Variants in ASTN1 observed in about 807,000 individuals in gnomAD.
The protein encoded by ASTN1 is astrotactin 1.
In ASTN1, 41 loss-of-function variants were observed where a neutral mutation model predicts 140.7. That is an observed-to-expected ratio of 0.29 (90% CI 0.23 to 0.38). The LOEUF (loss-of-function observed/expected upper bound fraction) is 0.38. Ranked by LOEUF, ASTN1 falls within the 10% of genes least tolerant of loss-of-function variation. The pLI is 1.00. For missense variants in ASTN1, 1,479 were observed against 1,678.8 expected (o/e 0.88, Z 2.08); for synonymous variants, 640 against 652.2 (o/e 0.98, Z 0.29).
intron 1 of ASTN1, among the ~76,000 whole-genome samples, chr1:177,096,686 C>T (rs1244294556): frequency 6.6e-6 from 1 of 152,138 alleles, no homozygotes; most frequent in Non-Finnish European, 1.5e-5. Context: ...GGCAGTTCCC[C>T]TGCCACATGC....
At chr1:177,011,217 A>T (rs1675274416) in intron 8 of ASTN1, among the ~76,000 whole-genome samples, 1 of 152,190 alleles carries the variant, frequency 6.6e-6, no homozygotes, top group Non-Finnish European at 1.5e-5. Flanking sequence ...GTTATCTGGC[A>T]AGTAGAACAG....
At position 177,151,846 on chromosome 1, in the gene ASTN1, A is replaced by G. The variant is rs528054024; in HGVS notation, c.283+12548T>C. ...CATATGTGGCCATGAAGCTAAGAAC[A>G]TGTGGTGTAGAAGCAGCAGTGGAGA... On this transcript the variant is annotated intron_variant, in intron 1 of 22. Coordinates refer to ENST00000361833, the MANE Select transcript of ASTN1 (RefSeq NM_004319.3). Among the ~76,000 whole-genome samples the G allele has an allele frequency of 3.8e-4, 58 of 152,280 alleles. 1 individual carries two copies. Among genetic ancestry groups the G allele is most frequent in the African/African-American group, 1.1e-3 (44 of 41,552 alleles).
intron 1 of ASTN1, among the ~76,000 whole-genome samples, chr1:177,096,480 C>T (rs1377042962): frequency 6.6e-6 from 1 of 152,098 alleles, no homozygotes; most frequent in Non-Finnish European, 1.5e-5. Flanking sequence ...GGGTGGAGAA[C>T]TCAAGAATGG....
downstream of ASTN1, among the ~76,000 whole-genome samples, chr1:176,860,914 A>C (rs1323952325): frequency 6.6e-6 from 1 of 152,178 alleles, no homozygotes; most frequent in Non-Finnish European, 1.5e-5. Context: ...TTGCTATGAA[A>C]TATTTGATTC....
chr1:177,090,937 T>TG (rs1358660383), intron 1 of ASTN1, among the ~76,000 whole-genome samples: 1 of 64,548 alleles, frequency 1.5e-5, no homozygotes, highest in Non-Finnish European at 3.3e-5. Flanking sequence ...TCTAGATGGG[T>TG]GGGGGGCTGG....
intron 2 of ASTN1, among the ~76,000 whole-genome samples, chr1:177,043,260 A>C (rs1677061433): frequency 6.6e-6 from 1 of 152,220 alleles, no homozygotes; most frequent in South Asian, 2.1e-4. Context: ...AAGAAGAACA[A>C]TAAACATTTT....
chr1:176,976,968 G>A (rs536754551), intron 8 of ASTN1: 7 of 152,406 alleles, frequency 4.6e-5, no homozygotes, highest in Admixed American at 2.6e-4. Flanking sequence ...ACTAAGTACG[G>A]TGCAAACCTG....
chr1:177,135,116 A>G (rs1461981748), intron 1 of ASTN1, among the ~76,000 whole-genome samples: 1 of 152,014 alleles, frequency 6.6e-6, no homozygotes, highest in Admixed American at 6.6e-5. Flanking sequence ...CTGCCATGGG[A>G]CGTTGCTTTT....
rs1447388365 is a variant in ASTN1 at position 176,940,222 on chromosome 1, C to A, written c.2377+3669G>T. On this transcript the variant is annotated intron_variant, in intron 14 of 22. Transcript: ENST00000361833. Reference sequence around the variant, plus strand: ...TAGAACTCTGACTCACAATCCGCAGCAACCAGCTCAGAAAACCAACCCATT... The same window carrying A: ...TAGAACTCTGACTCACAATCCGCAGAAACCAGCTCAGAAAACCAACCCATT... Among the ~76,000 whole-genome samples, 5 of 152,180 alleles carry A rather than the reference C, an allele frequency of 3.3e-5. No individual in the cohort carries two copies. In the East Asian group the frequency reaches 9.6e-4, roughly 29 times the overall value.
Position 176,922,556 on chromosome 1 carries a change from C to CAAAAAAAAAAAAAAAAAAAAA in ASTN1, c.2671+11575_2671+11595dup, listed in dbSNP as rs71129589. The stretch of plus-strand genomic sequence containing the variant: ...ACAGTGTCCACTCCAGCCCCCACTG[C>CAAAAAAAAAAAAAAAAAAAAA]AAAAAAAAAAAAAAAAAAAAAAAAA... On this transcript the variant is annotated intron_variant, in intron 16 of 22. Coordinates refer to ENST00000361833, the MANE Select transcript of ASTN1 (RefSeq NM_004319.3). Among the ~76,000 whole-genome samples the CAAAAAAAAAAAAAAAAAAAAA allele has an allele frequency of 3.2e-4, 25 of 77,588 alleles. 1 individual carries two copies. The highest frequency in any genetic ancestry group is 1.1e-3 in the African/African-American group (22 of 19,828). 50.9% of individuals were successfully genotyped at this position (77,588 alleles called of 152,430 possible). A position where few individuals can be genotyped will look rare whatever the true frequency, so the allele number is the denominator to read the frequency against.
chr1:177,078,949 T>C (rs1251930645), intron 1 of ASTN1, among the ~76,000 whole-genome samples: 2 of 149,156 alleles, frequency 1.3e-5, no homozygotes, highest in African/African-American at 4.8e-5. Context: ...AAAATCAATT[T>C]GAGTAGAAAA....
At chr1:176,958,133 A>C (rs1043341431) in intron 10 of ASTN1, among the ~76,000 whole-genome samples, 5 of 152,212 alleles carry the variant, frequency 3.3e-5, no homozygotes, top group Non-Finnish European at 7.3e-5. Context: ...CTCTAATTTT[A>C]TGTCTTCTTC....
intron 1 of ASTN1, among the ~76,000 whole-genome samples, chr1:177,071,059 G>A (rs988075746): frequency 2.6e-5 from 4 of 152,126 alleles, no homozygotes; most frequent in Non-Finnish European, 4.4e-5. Context: ...ATAAGTCCAG[G>A]AACTATAAGT....
At chr1:177,035,462 T>A (rs1399821867) in intron 2 of ASTN1, among the ~76,000 whole-genome samples, 1 of 152,158 alleles carries the variant, frequency 6.6e-6, no homozygotes, top group Non-Finnish European at 1.5e-5. Context: ...TGACAGTGGG[T>A]CAAAGGAGGA....
chr1:177,029,323 G>T (rs1425744670), intron 5 of ASTN1: 1 of 570,578 alleles, frequency 1.8e-6, no homozygotes, highest in East Asian at 4.3e-5. Context: ...TTGTTTGTCT[G>T]AACAGCAAAA....
At chr1:176,912,252 A>T (rs1557954240) in intron 16 of ASTN1, among the ~76,000 whole-genome samples, 1 of 152,202 alleles carries the variant, frequency 6.6e-6, no homozygotes, top group Non-Finnish European at 1.5e-5. Context: ...ATTTTTGGCC[A>T]TGCAGTCTCT....
chr1:177,154,883 A>C (rs6691106), intron 1 of ASTN1, among the ~76,000 whole-genome samples: 3,848 of 152,268 alleles, frequency 0.025, 71 homozygotes, highest in Middle Eastern at 0.041. Flanking sequence ...TTACAAAAAA[A>C]AGAAAGCACA....
At chr1:176,987,626 C>T (rs1224380449) in intron 8 of ASTN1, among the ~76,000 whole-genome samples, 1 of 152,240 alleles carries the variant, frequency 6.6e-6, no homozygotes, top group African/African-American at 2.4e-5. Flanking sequence ...CCTGAATAAG[C>T]TATGTGCATT....
chr1:177,065,477 T>C (rs765118919), intron 1 of ASTN1, among the ~76,000 whole-genome samples: 109 of 152,158 alleles, frequency 7.2e-4, no homozygotes, highest in Admixed American at 1.8e-3. Flanking sequence ...ACTTAAGACA[T>C]GATCATGAAG....
Sources: allele counts gnomAD v4.1 joint callset (sites outside exome capture counted in the v4.1 genomes callset), GRCh38; gene constraint gnomAD v4.1.1; transcripts MANE v1.5; gene names NCBI Gene and HGNC (gene_info 2026-07-23, HGNC 2026-07-21).